TINAG: variants seen among roughly 807,000 people sequenced by gnomAD.
TINAG encodes the protein tubulointerstitial nephritis antigen.
A neutral mutation model predicts 72.7 loss-of-function variants in TINAG; 83 were observed. That is an observed-to-expected ratio of 1.14 (90% CI 0.96 to 1.37). The LOEUF (loss-of-function observed/expected upper bound fraction) is 1.37, where lower values mean the gene tolerates loss of function less well. Ranked by LOEUF, TINAG falls within the 40% of genes most tolerant of loss-of-function variation. The pLI, the probability that TINAG is intolerant of heterozygous loss-of-function variation, is 0.00. For synonymous variants in TINAG, 234 were observed against 189.9 expected (o/e 1.23, Z -1.91); for missense variants, 685 against 576.6 (o/e 1.19, Z -1.93).
chr6:54,377,645 T>A (rs1439316168), intron 9 of TINAG, among the ~76,000 whole-genome samples: 1 of 152,156 alleles, frequency 6.6e-6, no homozygotes, highest in African/African-American at 2.4e-5. Context: ...TAGTTATATT[T>A]AGAGCAAATA....
intron 10 of TINAG, among the ~76,000 whole-genome samples, chr6:54,384,913 G>A (rs910877589): frequency 1.3e-5 from 2 of 152,112 alleles, no homozygotes; most frequent in Non-Finnish European, 2.9e-5. Flanking sequence ...TGAAATATTT[G>A]CCAATATTGA....
At chr6:54,359,544 A>G (rs1311820826) in intron 9 of TINAG, among the ~76,000 whole-genome samples, 1 of 151,804 alleles carries the variant, frequency 6.6e-6, no homozygotes, top group Non-Finnish European at 1.5e-5. Context: ...TTTGAACAAG[A>G]TGTAAATGTG....
chr6:54,371,833 C>T (rs934006082), intron 9 of TINAG, among the ~76,000 whole-genome samples: 9 of 151,880 alleles, frequency 5.9e-5, no homozygotes, highest in African/African-American at 2.2e-4. Flanking sequence ...TTGGGAAATA[C>T]CAAGGACAGA....
chr6:54,354,881 T>C (rs1329839407), intron 9 of TINAG, among the ~76,000 whole-genome samples: 1 of 151,838 alleles, frequency 6.6e-6, no homozygotes, highest in Non-Finnish European at 1.5e-5. Flanking sequence ...AAGAATCCGT[T>C]CTAAGGGCAA....
At chr6:54,377,664 A>G (rs530414510) in intron 9 of TINAG, among the ~76,000 whole-genome samples, 2 of 152,308 alleles carry the variant, frequency 1.3e-5, no homozygotes, top group Non-Finnish European at 1.5e-5. Flanking sequence ...TATGAATATA[A>G]TGAAGATCCT....
At chr6:54,348,760 C>T (rs1785190299) in intron 6 of TINAG, among the ~76,000 whole-genome samples, 1 of 152,098 alleles carries the variant, frequency 6.6e-6, no homozygotes, top group African/African-American at 2.4e-5. Flanking sequence ...TAAAGTGACA[C>T]CATTCAGTCC....
intron 10 of TINAG, among the ~76,000 whole-genome samples, chr6:54,385,480 G>A (rs1191314575): frequency 6.7e-6 from 1 of 150,284 alleles, no homozygotes; most frequent in African/African-American, 2.4e-5. Flanking sequence ...GGAACAATTT[G>A]AAAAAAAAAA....
At chr6:54,371,325 T>A (rs1763599935) in intron 9 of TINAG, among the ~76,000 whole-genome samples, 2 of 152,096 alleles carry the variant, frequency 1.3e-5, no homozygotes, top group Admixed American at 1.3e-4. Context: ...TTTTCTCATC[T>A]ATTCCACTGG....
chr6:54,349,918 C>T, intron 7 of TINAG, 22 bp downstream of exon 7: 1 of 1,498,504 alleles, frequency 6.7e-7, no homozygotes, highest in Non-Finnish European at 9.0e-7. Flanking sequence ...TGGCAAGAAT[C>T]AAGAATAGTT....
In TINAG at chr6:54,381,455, G is replaced by T. The variant is rs1039291959; in HGVS notation, c.1296+884G>T. On this transcript the variant is annotated intron_variant, in intron 10 of 10. Transcript: ENST00000259782. Reference sequence around the variant, plus strand: ...TAGAGGGCATATTTTGGCTTACAAAGCACTAGGTGCTAGAACTTGTACTCA... The same window carrying T: ...TAGAGGGCATATTTTGGCTTACAAATCACTAGGTGCTAGAACTTGTACTCA... 2.5e-4 allele frequency among the ~76,000 whole-genome samples: 38 copies of T among 151,830 alleles called. 1 individual carries two copies. Among genetic ancestry groups the T allele is most frequent in the Non-Finnish European group, 2.9e-5 (2 of 67,914 alleles).
At chr6:54,348,566 G>A (rs894716354) in intron 6 of TINAG, among the ~76,000 whole-genome samples, 3 of 151,954 alleles carry the variant, frequency 2.0e-5, no homozygotes, top group Admixed American at 6.6e-5. Flanking sequence ...GCTTTCAGAT[G>A]GACACCTTCT....
intron 7 of TINAG, among the ~76,000 whole-genome samples, chr6:54,350,500 TCA>T (rs1785240068): frequency 6.6e-6 from 1 of 151,506 alleles, no homozygotes; most frequent in Non-Finnish European, 1.5e-5. Context: ...TTTTATACAC[TCA>T]TGTCCTGCCA....
chr6:54,374,541 G>A (rs902948514), intron 9 of TINAG, among the ~76,000 whole-genome samples: 8 of 151,994 alleles, frequency 5.3e-5, no homozygotes, highest in African/African-American at 1.7e-4. Flanking sequence ...TCTTAAAAAC[G>A]AAGTTCCTAA....
rs191872527 is a variant in TINAG at position 54,371,641 on chromosome 6, G to C, written c.1251-8885G>C. Among the ~76,000 whole-genome samples, 299 of 152,040 alleles carry C rather than the reference G, an allele frequency of 2.0e-3. 3 individuals carry two copies. The highest frequency in any genetic ancestry group is 6.6e-3 in the African/African-American group (274 of 41,528). On this transcript the variant is annotated intron_variant, in intron 9 of 10. Coordinates refer to ENST00000259782, the MANE Select transcript of TINAG (RefSeq NM_014464.4). ...AGATGAATAAAGGTAGTAAGGAAAA[G>C]AGAAATGTAATGACAGGAAGAAACA... is the stretch of plus-strand genomic sequence containing the variant.
intron 9 of TINAG, among the ~76,000 whole-genome samples, chr6:54,360,902 G>A (rs796392851): frequency 2.7e-5 from 3 of 112,754 alleles, no homozygotes; most frequent in East Asian, 6.0e-4. Context: ...AACCCTACAT[G>A]GAGAAAGTCT....
At chr6:54,383,078 T>A (rs1264098956) in intron 10 of TINAG, among the ~76,000 whole-genome samples, 2 of 152,124 alleles carry the variant, frequency 1.3e-5, no homozygotes, top group African/African-American at 2.4e-5. Context: ...TTGTCTCTGC[T>A]CTCTTTGAGC....
chr6:54,376,995 T>C (rs925563138), intron 9 of TINAG, among the ~76,000 whole-genome samples: 2 of 152,106 alleles, frequency 1.3e-5, no homozygotes, highest in Non-Finnish European at 2.9e-5. Context: ...CAGATTTTTT[T>C]CAAAACCAGC....
chr6:54,346,821 T>C (rs1785134766), intron 5 of TINAG, among the ~76,000 whole-genome samples: 1 of 152,050 alleles, frequency 6.6e-6, no homozygotes, highest in Non-Finnish European at 1.5e-5. Context: ...AAGTATGGTC[T>C]CCTGGGTAGT....
intron 1 of TINAG, among the ~76,000 whole-genome samples, chr6:54,312,651 G>A (rs1459646436): frequency 2.0e-5 from 3 of 152,026 alleles, no homozygotes; most frequent in African/African-American, 7.2e-5. Context: ...AGATAATGTG[G>A]CAATCTACAT....
Sources: allele counts gnomAD v4.1 joint callset (sites outside exome capture counted in the v4.1 genomes callset), GRCh38; gene constraint gnomAD v4.1.1; transcripts MANE v1.5; gene names NCBI Gene and HGNC (gene_info 2026-07-23, HGNC 2026-07-21).